The following PCDHGA7 variants were observed in gnomAD, a reference collection of about 807,000 sequenced individuals.
PCDHGA7 encodes protocadherin gamma subfamily A, 7.
PCDHGA7 carries 44 observed loss-of-function variants against 58.3 expected under a neutral mutation model. The ratio of observed to expected loss-of-function variants is 0.75; its 90% CI spans 0.59 to 0.97. The LOEUF is 0.97. Among genes scored for constraint, PCDHGA7 ranks in the 50% least tolerant of loss-of-function variants. The pLI is 0.00. For missense variants in PCDHGA7, 1,266 were observed against 1,188.7 expected (o/e 1.06, Z -0.96); for synonymous variants, 516 against 504.2 (o/e 1.02, Z -0.31).
chr5:141,507,915 G>A (rs1324577269), intron 3 of PCDHGA7, among the ~76,000 whole-genome samples: 2 of 152,224 alleles, frequency 1.3e-5, no homozygotes, highest in African/African-American at 4.8e-5. Flanking sequence ...AGCCAGGCCT[G>A]TGGGGCTGCT....
intron 1 of PCDHGA7, chr5:141,422,520 G>A (rs759529752): frequency 1.9e-6 from 3 of 1,613,946 alleles, no homozygotes; most frequent in South Asian, 2.2e-5. Flanking sequence ...AGGGAAGCCC[G>A]CCTTTGTCTG....
At chr5:141,462,698 G>A (rs2099045237) in intron 1 of PCDHGA7, among the ~76,000 whole-genome samples, 1 of 152,062 alleles carries the variant, frequency 6.6e-6, no homozygotes. Context: ...ATTTATAATG[G>A]AGGTTTTAAA....
chr5:141,415,947 C>T (rs1161530180), intron 1 of PCDHGA7: 1 of 532,382 alleles, frequency 1.9e-6, no homozygotes, highest in Admixed American at 4.2e-5. Flanking sequence ...CCTGGGTGGT[C>T]ACATATTGAA....
chr5:141,468,899 T>C (rs1051519139), intron 1 of PCDHGA7, among the ~76,000 whole-genome samples: 2 of 151,550 alleles, frequency 1.3e-5, no homozygotes, highest in Non-Finnish European at 2.9e-5. Flanking sequence ...GGTACTAATA[T>C]GATCCAGACT....
Position 141,383,599 on chromosome 5 carries a change from G to A in PCDHGA7, c.700G>A (p.Asp234Asn). ...CGCCCACATCCAGGTGACAGTGGTG[G>A]ATGTGAATGACCACACGCCTGTCTT... ...STAHIQVTVV[D>N]VNDHTPVFSL... is the part of the protein sequence containing the mutation. Residue 234 changes from aspartate to asparagine, a missense_variant, in exon 1 of 4, where the codon GAT (aspartate) becomes AAT (asparagine). By Grantham distance (23) the Asp-to-Asn change is conservative. Transcript: ENST00000518325. 1.9e-6 allele frequency: 3 copies of A among 1,613,742 alleles called. No individual in the cohort carries two copies. Among genetic ancestry groups the A allele is most frequent in the Non-Finnish European group, 2.5e-6 (3 of 1,179,880 alleles).
At chr5:141,454,123 C>CT (rs1273558932) in intron 1 of PCDHGA7, among the ~76,000 whole-genome samples, 5 of 152,194 alleles carry the variant, frequency 3.3e-5, no homozygotes, top group Non-Finnish European at 7.3e-5. Flanking sequence ...GAAGAAATAG[C>CT]TGACCATGGG....
At chr5:141,402,019 C>A (rs1354499456) in intron 1 of PCDHGA7, among the ~76,000 whole-genome samples, 1 of 152,084 alleles carries the variant, frequency 6.6e-6, no homozygotes, top group Non-Finnish European at 1.5e-5. Flanking sequence ...GCATTTGAAT[C>A]ATTGAAACAC....
intron 1 of PCDHGA7, chr5:141,400,068 GC>G (rs1160956861): frequency 6.2e-7 from 1 of 1,613,706 alleles, no homozygotes; most frequent in African/African-American, 1.3e-5. Context: ...ATGGTGGACA[GC>G]CGCCACTCTC....
intron 1 of PCDHGA7, chr5:141,441,249 T>TA (rs981387539): frequency 2.0e-5 from 3 of 152,206 alleles, no homozygotes. Context: ...ACAAGATCTT[T>TA]AAATCACAAG....
rs758139838 is a variant in PCDHGA7, at chr5:141,431,419, G to C, written c.2424+46096G>C. The C allele has an allele frequency of 1.5e-5, 25 of 1,613,700 alleles. No individual in the cohort carries two copies. The highest frequency in any genetic ancestry group is 2.0e-5 in the Non-Finnish European group (24 of 1,180,046). On this transcript the variant is annotated intron_variant, in intron 1 of 3. Coordinates refer to ENST00000518325, the MANE Select transcript of PCDHGA7 (RefSeq NM_018920.4). This position sits in a 1 kb window ranked among gnomAD's most constrained non-coding sequence, Gnocchi z 4.8. ...TTACGGCCTCCGACGGGGGCGACCC[G>C]GTGCGCACAGGCACCGCGCGCATCC... is the stretch of plus-strand genomic sequence containing the variant.
intron 1 of PCDHGA7, among the ~76,000 whole-genome samples, chr5:141,451,611 G>C (rs1004906441): frequency 6.6e-6 from 1 of 152,166 alleles, no homozygotes; most frequent in Admixed American, 6.5e-5. Context: ...GCTAGGCATG[G>C]TGGCTCAAAC....
In PCDHGA7 at chr5:141,385,185, C is replaced by T; in HGVS notation, c.2286C>T (p.Asp762=). The T allele has an allele frequency of 1.2e-6, 2 of 1,614,214 alleles. No individual in the cohort carries two copies. Among genetic ancestry groups the T allele is most frequent in the African/African-American group, 1.3e-5 (1 of 75,058 alleles). ...TYSHEVSLTA[D]SRKSHLIFPQ... The stretch of plus-strand genomic sequence containing the variant: ...CCCATGAGGTCTCCCTCACCGCGGA[C>T]TCTCGGAAGAGTCACCTGATCTTCC... Residue 762 remains aspartate, a synonymous_variant, in exon 1 of 4, where the codon GAC becomes GAT. Transcript: ENST00000518325.
intron 1 of PCDHGA7, chr5:141,430,849 G>A: frequency 6.3e-7 from 1 of 1,582,030 alleles, no homozygotes; most frequent in Non-Finnish European, 8.6e-7. Flanking sequence ...GATGCACCCA[G>A]ATACGCTATT....
At chr5:141,395,542 TTGTGTGTGTGTGTGTGTGTGTG>T (rs55729045) in intron 1 of PCDHGA7, 19 of 172,620 alleles carry the variant, frequency 1.1e-4, no homozygotes, top group Admixed American at 1.0e-3. Context: ...TTGCTATTGT[TTGTGTGTGTGTGTGTGTGTGTG>T]TGTGTGTGTG....
rs1273578608 is a variant in PCDHGA7 at position 141,383,544 on chromosome 5, T to A, written c.645T>A (p.Ser215=). ...TTCACCACCTGGTCCTCACAGCCTC[T>A]GATGGCGGCGACCCGCCCCGATCCA... ...ERVHHLVLTA[S]DGGDPPRSST... is the part of the protein sequence containing the mutation. The change falls in exon 1 of 4, where the codon TCT becomes TCA. Residue 215 remains serine (S), a synonymous_variant. Coordinates refer to ENST00000518325, the MANE Select transcript of PCDHGA7 (RefSeq NM_018920.4). 1.3e-5 allele frequency: 21 copies of A among 1,612,498 alleles called. No homozygotes were observed. Among genetic ancestry groups the A allele is most frequent in the Non-Finnish European group, 1.8e-5 (21 of 1,179,458 alleles).
At chr5:141,395,526 G>T in intron 1 of PCDHGA7, 4 of 357,898 alleles carry the variant, frequency 1.1e-5, no homozygotes, top group Admixed American at 4.6e-5. Context: ...GTCCATACTG[G>T]TAATTTTGCT....
chr5:141,425,057 C>T (rs926732426), intron 1 of PCDHGA7, among the ~76,000 whole-genome samples: 4 of 152,026 alleles, frequency 2.6e-5, no homozygotes, highest in African/African-American at 4.8e-5. Flanking sequence ...ATCTAGGGCT[C>T]GGACAAAAAT....
chr5:141,415,739 GGTTTTTT>G lies in PCDHGA7; in HGVS notation c.2424+30417_2424+30423del. 7.6e-5 allele frequency: 33 copies of G among 434,894 alleles called. No homozygotes were observed. In the African/African-American group the frequency reaches 8.5e-4, roughly 11 times the overall value. The allele number at this position is 434,894 out of a possible 1,614,324, so 26.9% of individuals were successfully genotyped here. A position where few individuals can be genotyped will look rare whatever the true frequency, so the allele number is the denominator to read the frequency against. On this transcript the variant is annotated intron_variant, in intron 1 of 3. Transcript: ENST00000518325. ...ATGAGTAGAATTTGATGTTTATTAA[GGTTTTTT>G]TTTTTTTTTTTTTTTTTTTTTTTTT...
chr5:141,418,045 G>C (rs754041387), intron 1 of PCDHGA7: 2 of 1,614,002 alleles, frequency 1.2e-6, no homozygotes, highest in Admixed American at 1.7e-5. Context: ...TGGATGTGTC[G>C]GCTCGCGAGC....
Sources: gnomAD v4.1 joint callset for allele counts (sites outside exome capture counted in the v4.1 genomes callset) on GRCh38, gnomAD v4.1.1 for gene constraint, Gnocchi (gnomAD v3.1) non-coding constraint, MANE v1.5 for transcripts, NCBI Gene and HGNC (gene_info 2026-07-23, HGNC 2026-07-21) for gene names.